Variants in SORCS3 observed in about 807,000 individuals in gnomAD.
SORCS3 encodes the protein sortilin related VPS10 domain containing receptor 3.
Under a neutral mutation model 146.3 loss-of-function variants are expected in SORCS3, and 57 were observed. That is an observed-to-expected ratio of 0.39 (90% CI 0.31 to 0.49). SORCS3 has a LOEUF of 0.49. SORCS3 is among the 20% of genes least tolerant of loss of function. SORCS3 has a pLI of 0.92. For missense variants in SORCS3, 1,341 were observed against 1,575.5 expected, an observed-to-expected ratio of 0.85 and a Z score of 2.52; for synonymous variants, 653 against 618.5, an observed-to-expected ratio of 1.06 and a Z score of -0.83.
rs1311339420 is a variant in SORCS3, at chr10:104,656,220, TG to T, written c.627+14268del. On this transcript the variant is annotated intron_variant, in intron 1 of 26. Transcript: ENST00000369701. ...TAGTGTTCTGGGCATATGGCTTCTG[TG>T]GCAGGGAGGAGCAAGGTATTTGAAG... Among the ~76,000 whole-genome samples, 4 of 151,754 alleles carry T rather than the reference TG, an allele frequency of 2.6e-5. No homozygotes were observed. The South Asian group carries it at 8.4e-4, about 32-fold the overall frequency.
intron 5 of SORCS3, among the ~76,000 whole-genome samples, chr10:105,075,010 C>T (rs980193904): frequency 6.6e-6 from 1 of 152,162 alleles, no homozygotes; most frequent in Non-Finnish European, 1.5e-5. Context: ...ATAAATACAC[C>T]TGGTTCCTTT....
chr10:104,845,105 A>C (rs1301967545), intron 2 of SORCS3, among the ~76,000 whole-genome samples: 1 of 152,218 alleles, frequency 6.6e-6, no homozygotes, highest in Admixed American at 6.5e-5. Flanking sequence ...TAGTGCTCCC[A>C]GGTGACAGGG....
intron 14 of SORCS3, among the ~76,000 whole-genome samples, chr10:105,199,123 G>T (rs2056560076): frequency 6.6e-6 from 1 of 152,044 alleles, no homozygotes; most frequent in South Asian, 2.1e-4. Context: ...GACCTCAGTT[G>T]TTTTAAGTTC....
chr10:104,916,614 G>A (rs1306007682), intron 3 of SORCS3, among the ~76,000 whole-genome samples: 1 of 152,148 alleles, frequency 6.6e-6, no homozygotes, highest in Non-Finnish European at 1.5e-5. Flanking sequence ...GGCAGTTTTA[G>A]AAAACAAATA....
At chr10:105,168,003 T>G (rs527310635) in intron 13 of SORCS3, among the ~76,000 whole-genome samples, 3 of 152,246 alleles carry the variant, frequency 2.0e-5, no homozygotes, top group East Asian at 3.9e-4. Context: ...GGGGAAATAT[T>G]TTCATGAATG....
chr10:105,056,699 T>A (rs974555888), intron 5 of SORCS3, among the ~76,000 whole-genome samples: 3 of 152,228 alleles, frequency 2.0e-5, no homozygotes, highest in African/African-American at 7.2e-5. Context: ...TCAAGTTCCA[T>A]TCTCTGGTGA....
chr10:104,663,315 C>A (rs1258768896), intron 1 of SORCS3, among the ~76,000 whole-genome samples: 2 of 152,152 alleles, frequency 1.3e-5, no homozygotes, highest in Non-Finnish European at 2.9e-5. Flanking sequence ...TTAAGTACAG[C>A]AGAGGGAAAC....
chr10:104,779,858 C>T (rs892096689), intron 1 of SORCS3, among the ~76,000 whole-genome samples: 1 of 152,164 alleles, frequency 6.6e-6, no homozygotes, highest in Non-Finnish European at 1.5e-5. Context: ...CCCGCGCGCT[C>T]CGCCATGTTG....
At chr10:105,262,547 T>A in intron 26 of SORCS3, 56 bp downstream of exon 26, 1 of 1,542,634 alleles carries the variant, frequency 6.5e-7, no homozygotes, top group Non-Finnish European at 8.8e-7. Context: ...AACACTGGCC[T>A]GCTTCATCTG....
intron 5 of SORCS3, among the ~76,000 whole-genome samples, chr10:105,054,076 A>G (rs1439617287): frequency 6.6e-6 from 1 of 152,082 alleles, no homozygotes; most frequent in Non-Finnish European, 1.5e-5. Context: ...TTATCAGACC[A>G]GTGAGTTTAG....
chr10:105,012,067 G>C (rs993040026), intron 4 of SORCS3, among the ~76,000 whole-genome samples: 5 of 152,304 alleles, frequency 3.3e-5, no homozygotes, highest in Admixed American at 6.5e-5. Context: ...GAGAGCATAA[G>C]TTTCAGAGCA....
chr10:104,810,911 G>A (rs1420959468), intron 1 of SORCS3, among the ~76,000 whole-genome samples: 1 of 152,148 alleles, frequency 6.6e-6, no homozygotes, highest in Non-Finnish European at 1.5e-5. Flanking sequence ...AAATAAAAAT[G>A]TCTGAGACAG....
intron 2 of SORCS3, among the ~76,000 whole-genome samples, chr10:104,879,064 T>C (rs1352521970): frequency 1.3e-5 from 2 of 152,238 alleles, no homozygotes; most frequent in African/African-American, 4.8e-5. Flanking sequence ...GGATTCAACT[T>C]TGGAGCACTT....
chr10:105,257,885 T>A (rs2056940419), intron 25 of SORCS3, among the ~76,000 whole-genome samples: 1 of 152,182 alleles, frequency 6.6e-6, no homozygotes, highest in South Asian at 2.1e-4. Context: ...AGAAATTTTA[T>A]CAGTGGCCTA....
intron 3 of SORCS3, among the ~76,000 whole-genome samples, chr10:104,975,459 C>A (rs1230945519): frequency 1.3e-5 from 2 of 152,126 alleles, no homozygotes; most frequent in Non-Finnish European, 2.9e-5. Flanking sequence ...TAGGAAGAAT[C>A]AGTATCATGA....
intron 1 of SORCS3, among the ~76,000 whole-genome samples, chr10:104,656,016 G>A (rs560384225): frequency 6.6e-6 from 1 of 152,164 alleles, no homozygotes; most frequent in Non-Finnish European, 1.5e-5. Flanking sequence ...CATATTTGTG[G>A]AGTCCCCTCT....
chr10:105,061,295 CTTTTT>C (rs34217607), intron 5 of SORCS3, among the ~76,000 whole-genome samples: 2 of 118,482 alleles, frequency 1.7e-5, no homozygotes, highest in Non-Finnish European at 1.7e-5. Context: ...AGTGGTGTTC[CTTTTT>C]TTTTTTTTTT....
intron 2 of SORCS3, among the ~76,000 whole-genome samples, chr10:104,845,732 A>G (rs886398963): frequency 6.6e-6 from 1 of 152,090 alleles, no homozygotes; most frequent in Non-Finnish European, 1.5e-5. Flanking sequence ...AGTTGGGAGG[A>G]ATTGAAATAC....
chr10:104,714,587 A>G (rs901234061), intron 1 of SORCS3, among the ~76,000 whole-genome samples: 3 of 152,160 alleles, frequency 2.0e-5, no homozygotes, highest in African/African-American at 7.2e-5. Flanking sequence ...ATTGGTTTCT[A>G]GTCTAATTCC....
Sources: gnomAD v4.1 joint callset for allele counts (sites outside exome capture counted in the v4.1 genomes callset) on GRCh38, gnomAD v4.1.1 for gene constraint, MANE v1.5 for transcripts, NCBI Gene and HGNC (gene_info 2026-07-23, HGNC 2026-07-21) for gene names.